KAZN: variants seen among roughly 807,000 people sequenced by gnomAD.
KAZN encodes the protein kazrin.
KAZN carries 40 observed loss-of-function variants against 87.4 expected under a neutral mutation model. The observed-to-expected ratio is 0.46, with a 90% confidence interval of 0.36 to 0.60. KAZN has a LOEUF of 0.60. Among genes scored for constraint, KAZN ranks in the 20% least tolerant of loss-of-function variants. The pLI, the probability that KAZN is intolerant of heterozygous loss-of-function variation, is 0.00. For synonymous variants in KAZN, 466 were observed against 458.3 expected, an observed-to-expected ratio of 1.02 and a Z score of -0.22; for missense variants, 898 against 1,073.9, an observed-to-expected ratio of 0.84 and a Z score of 2.29.
chr1:14,738,860 G>T (rs1412178947), intron 1 of KAZN, among the ~76,000 whole-genome samples: 2 of 152,136 alleles, frequency 1.3e-5, no homozygotes, highest in Non-Finnish European at 2.9e-5. Flanking sequence ...CAAGTAGAGG[G>T]CAGAGTCTGA....
chr1:14,213,800 G>A (rs1017507829), intron 2 of KAZN, among the ~76,000 whole-genome samples: 1 of 152,188 alleles, frequency 6.6e-6, no homozygotes, highest in African/African-American at 2.4e-5. Flanking sequence ...TAGTTATGAG[G>A]CTACCTGTGG....
intron 1 of KAZN, among the ~76,000 whole-genome samples, chr1:14,623,470 G>C (rs1010829268): frequency 5.9e-5 from 9 of 152,196 alleles, no homozygotes; most frequent in Admixed American, 5.9e-4. Flanking sequence ...CCTACCTGAG[G>C]GTGGAGGATC....
At chr1:13,940,189 A>G (rs1640877121) in intron 1 of KAZN, among the ~76,000 whole-genome samples, 1 of 152,156 alleles carries the variant, frequency 6.6e-6, no homozygotes, top group African/African-American at 2.4e-5. Flanking sequence ...TTCTTTTGGA[A>G]TAGTTTCAGT....
intron 1 of KAZN, among the ~76,000 whole-genome samples, chr1:14,690,959 TG>T (rs1641254610): frequency 6.6e-6 from 1 of 152,208 alleles, no homozygotes; most frequent in Non-Finnish European, 1.5e-5. Flanking sequence ...TAAGACCACT[TG>T]GAAAACAAAT....
chr1:14,605,306 C>T (rs776477051), intron 1 of KAZN, among the ~76,000 whole-genome samples: 6 of 152,114 alleles, frequency 3.9e-5, no homozygotes, highest in Non-Finnish European at 5.9e-5. Context: ...CCCTGGCAAG[C>T]GCTTAACATG....
intron 1 of KAZN, among the ~76,000 whole-genome samples, chr1:14,694,092 C>T (rs1301799032): frequency 2.6e-5 from 4 of 152,172 alleles, no homozygotes; most frequent in Non-Finnish European, 5.9e-5. Flanking sequence ...GCTGTGGGGC[C>T]GTTGTTTATC....
intron 2 of KAZN, among the ~76,000 whole-genome samples, chr1:14,335,754 C>A (rs1657214926): frequency 6.6e-6 from 1 of 150,636 alleles, no homozygotes; most frequent in South Asian, 2.1e-4. Flanking sequence ...CGCGCACACA[C>A]ACACACAGAG....
chr1:14,954,362 T>A (rs2101727889), intron 1 of KAZN, among the ~76,000 whole-genome samples: 1 of 152,366 alleles, frequency 6.6e-6, no homozygotes, highest in Non-Finnish European at 1.5e-5. Context: ...GAGTTTTTTG[T>A]CCTTGGGCAA....
intron 2 of KAZN, among the ~76,000 whole-genome samples, chr1:14,466,475 C>T (rs1041968883): frequency 1.3e-5 from 2 of 151,966 alleles, no homozygotes; most frequent in Non-Finnish European, 2.9e-5. Context: ...AGGGGAACAA[C>T]ACACACTGGG....
At chr1:14,809,077 C>G (rs1218475319) in intron 1 of KAZN, among the ~76,000 whole-genome samples, 1 of 152,194 alleles carries the variant, frequency 6.6e-6, no homozygotes. Context: ...GCTAATTCAC[C>G]CTTACATTTT....
chr1:13,930,037 G>T (rs941980043), intron 1 of KAZN, among the ~76,000 whole-genome samples: 4 of 152,138 alleles, frequency 2.6e-5, no homozygotes, highest in Non-Finnish European at 4.4e-5. Context: ...TCCCCCTACT[G>T]CTTCCTTATT....
intron 2 of KAZN, among the ~76,000 whole-genome samples, chr1:14,463,727 G>C (rs1005907338): frequency 6.6e-6 from 1 of 152,120 alleles, no homozygotes; most frequent in Non-Finnish European, 1.5e-5. Flanking sequence ...CTCAGCCCAA[G>C]CGTCTCTCAG....
intron 2 of KAZN, among the ~76,000 whole-genome samples, chr1:14,489,739 TA>T (rs1182446399): frequency 1.7e-5 from 1 of 59,988 alleles, no homozygotes; most frequent in Non-Finnish European, 3.8e-5. Context: ...GTCTTAAAAA[TA>T]ATAATAATAA....
intron 2 of KAZN, among the ~76,000 whole-genome samples, chr1:14,412,345 TAGG>T (rs1215589601): frequency 6.6e-6 from 1 of 152,124 alleles, no homozygotes; most frequent in Non-Finnish European, 1.5e-5. Context: ...ATAGAAGAAT[TAGG>T]AGAAAAAACC....
chr1:14,773,975 C>T lies in KAZN; in HGVS notation c.226+174752C>T, dbSNP rs1423341286. On this transcript the variant is annotated intron_variant, in intron 1 of 14. Coordinates refer to ENST00000376030, the MANE Select transcript of KAZN (RefSeq NM_201628.3). This position sits in a 1 kb window ranked among gnomAD's most constrained non-coding sequence, Gnocchi z 5.9. Reference sequence around the variant, plus strand: ...AAGCCCTCCAGCCCATGGCTGCTGCCAACCAAGGCGCCCTTGTGGGCTGTT... The same window carrying T: ...AAGCCCTCCAGCCCATGGCTGCTGCTAACCAAGGCGCCCTTGTGGGCTGTT... Among the ~76,000 whole-genome samples the T allele has an allele frequency of 1.3e-5, 2 of 152,246 alleles. No homozygotes were observed. The highest frequency in any genetic ancestry group is 2.9e-5 in the Non-Finnish European group (2 of 68,040).
intron 1 of KAZN, among the ~76,000 whole-genome samples, chr1:14,876,789 C>T (rs1445886392): frequency 1.3e-5 from 2 of 152,186 alleles, no homozygotes; most frequent in East Asian, 3.8e-4. Context: ...TGTTATTATT[C>T]TCCCTCCAGA....
intron 1 of KAZN, among the ~76,000 whole-genome samples, chr1:13,921,478 T>G (rs961590672): frequency 6.6e-6 from 1 of 152,366 alleles, no homozygotes; most frequent in African/African-American, 2.4e-5. Context: ...AGCCACAGGT[T>G]ATAGTTTACT....
At chr1:14,113,651 A>C (rs929324491) in intron 1 of KAZN, among the ~76,000 whole-genome samples, 1 of 152,220 alleles carries the variant, frequency 6.6e-6, no homozygotes, top group African/African-American at 2.4e-5. Context: ...AAAGATCTGG[A>C]CAAGCACCCA....
intron 2 of KAZN, among the ~76,000 whole-genome samples, chr1:14,975,109 G>A (rs778213834): frequency 1.4e-4 from 21 of 152,190 alleles, no homozygotes; most frequent in Admixed American, 8.5e-4. Flanking sequence ...GAGGGGACCC[G>A]GCCCCAGATG....
Sources: gnomAD v4.1 joint callset for allele counts (sites outside exome capture counted in the v4.1 genomes callset) on GRCh38, gnomAD v4.1.1 for gene constraint, Gnocchi (gnomAD v3.1) non-coding constraint, MANE v1.5 for transcripts, NCBI Gene and HGNC (gene_info 2026-07-23, HGNC 2026-07-21) for gene names.